Variants in LRRC4C observed in about 807,000 individuals in gnomAD.
LRRC4C encodes leucine-rich repeat-containing protein 4C.
LRRC4C carries 5 observed loss-of-function variants against 33.6 expected under a neutral mutation model. That is an observed-to-expected ratio of 0.15 (90% CI 0.08 to 0.31). LRRC4C has a LOEUF of 0.31. Among genes scored for constraint, LRRC4C ranks in the 10% least tolerant of loss-of-function variants. LRRC4C has a pLI of 1.00. For missense variants in LRRC4C, 560 were observed against 796.7 expected (o/e 0.70, Z 3.58); for synonymous variants, 329 against 302.0 (o/e 1.09, Z -0.93).
At chr11:40,414,741 C>A (rs1344320962) in intron 3 of LRRC4C, among the ~76,000 whole-genome samples, 1 of 151,962 alleles carries the variant, frequency 6.6e-6, no homozygotes, top group Non-Finnish European at 1.5e-5. Context: ...AAATGAAAAG[C>A]TTCTTTCTTT....
At chr11:41,024,289 C>G (rs1017971583) in intron 1 of LRRC4C, among the ~76,000 whole-genome samples, 2 of 151,660 alleles carry the variant, frequency 1.3e-5, no homozygotes, top group Non-Finnish European at 3.0e-5. Context: ...CAGCTCAACT[C>G]AAGAAGAATA....
chr11:40,869,447 C>T lies in LRRC4C; in HGVS notation c.-407+64188G>A, dbSNP rs147786561. 9.2e-5 allele frequency among the ~76,000 whole-genome samples: 14 copies of T among 152,156 alleles called. No individual in the cohort carries two copies. In the East Asian group the frequency reaches 2.1e-3, roughly 23 times the overall value. On this transcript the variant is annotated intron_variant, in intron 2 of 6. Transcript: ENST00000528697. ...TAAAATAATAATTGGTCACAGCCAG[C>T]GCCAGGAAAAGGCAGTCTCCCAGTA...
intron 2 of LRRC4C, among the ~76,000 whole-genome samples, chr11:40,744,603 T>A (rs1948327692): frequency 6.6e-6 from 1 of 152,292 alleles, no homozygotes; most frequent in Admixed American, 6.5e-5. Context: ...TAGTATCCTA[T>A]ACTGCTTGAC....
chr11:40,428,281 GA>G (rs1344764572), intron 3 of LRRC4C, among the ~76,000 whole-genome samples: 21 of 152,008 alleles, frequency 1.4e-4, no homozygotes, highest in Non-Finnish European at 3.1e-4. Flanking sequence ...GATTATAAAA[GA>G]ATTGCAGTAT....
intron 2 of LRRC4C, among the ~76,000 whole-genome samples, chr11:40,668,988 C>G (rs1344236123): frequency 6.6e-6 from 1 of 152,100 alleles, no homozygotes; most frequent in Non-Finnish European, 1.5e-5. Flanking sequence ...ACCTCTATAG[C>G]CCAGGTTCAA....
chr11:40,515,929 A>G (rs1184476202), intron 3 of LRRC4C, among the ~76,000 whole-genome samples: 1 of 152,052 alleles, frequency 6.6e-6, no homozygotes, highest in Non-Finnish European at 1.5e-5. Context: ...AATCCCTTTT[A>G]TTTTATGATA....
intron 1 of LRRC4C, among the ~76,000 whole-genome samples, chr11:41,404,491 T>C (rs960673397): frequency 1.4e-5 from 2 of 145,524 alleles, no homozygotes; most frequent in African/African-American, 5.1e-5. Context: ...TCTGTGTGTG[T>C]GTGTGTATAC....
intron 5 of LRRC4C, among the ~76,000 whole-genome samples, chr11:40,158,708 C>T (rs181521163): frequency 7.9e-5 from 12 of 152,112 alleles, no homozygotes; most frequent in Admixed American, 5.2e-4. Context: ...CATCAAAGTG[C>T]CCACTCTTTA....
intron 5 of LRRC4C, among the ~76,000 whole-genome samples, chr11:40,154,153 T>A (rs1411371561): frequency 6.6e-6 from 1 of 152,118 alleles, no homozygotes; most frequent in East Asian, 1.9e-4. Flanking sequence ...AAAACAATTA[T>A]CAGCCAAGAA....
At chr11:40,571,256 G>T (rs567508421) in intron 3 of LRRC4C, among the ~76,000 whole-genome samples, 4 of 152,260 alleles carry the variant, frequency 2.6e-5, no homozygotes, top group Admixed American at 2.0e-4. Flanking sequence ...TGCTGTTTGA[G>T]TACATCTGAA....
intron 3 of LRRC4C, among the ~76,000 whole-genome samples, chr11:40,417,542 A>G (rs1473955891): frequency 6.6e-6 from 1 of 151,676 alleles, no homozygotes; most frequent in Non-Finnish European, 1.5e-5. Flanking sequence ...AAGTTTCACC[A>G]TGTTGGCCAG....
chr11:41,033,416 A>C (rs1856838858), intron 1 of LRRC4C, among the ~76,000 whole-genome samples: 1 of 152,110 alleles, frequency 6.6e-6, no homozygotes, highest in Non-Finnish European at 1.5e-5. Context: ...CTTATGGATG[A>C]GTAAGGTACA....
intron 5 of LRRC4C, among the ~76,000 whole-genome samples, chr11:40,216,002 A>C (rs1011669442): frequency 6.6e-6 from 1 of 152,260 alleles, no homozygotes; most frequent in African/African-American, 2.4e-5. Flanking sequence ...AACGCTGGTA[A>C]TGAGATTAAT....
At chr11:40,222,929 G>A (rs1864522547) in intron 5 of LRRC4C, among the ~76,000 whole-genome samples, 1 of 152,148 alleles carries the variant, frequency 6.6e-6, no homozygotes, top group Non-Finnish European at 1.5e-5. Context: ...TAGAGGCAGA[G>A]GGAACACTTT....
intron 1 of LRRC4C, among the ~76,000 whole-genome samples, chr11:40,996,681 T>C (rs1460645857): frequency 6.6e-6 from 1 of 152,120 alleles, no homozygotes; most frequent in Non-Finnish European, 1.5e-5. Context: ...AGAAGCATGG[T>C]GCCAGCATCT....
chr11:41,170,026 T>C (rs1052696200), intron 1 of LRRC4C, among the ~76,000 whole-genome samples: 6 of 152,150 alleles, frequency 3.9e-5, no homozygotes, highest in African/African-American at 1.4e-4. Flanking sequence ...TGAAACAATG[T>C]GATGAAGGAT....
chr11:40,766,680 T>A (rs1949486915), intron 2 of LRRC4C, among the ~76,000 whole-genome samples: 1 of 148,242 alleles, frequency 6.7e-6, no homozygotes, highest in Admixed American at 6.8e-5. Context: ...GTTTGCCTGC[T>A]TTTACAATTA....
At chr11:40,590,586 GT>G (rs1182128809) in intron 3 of LRRC4C, among the ~76,000 whole-genome samples, 2 of 152,076 alleles carry the variant, frequency 1.3e-5, no homozygotes, top group East Asian at 1.9e-4. Flanking sequence ...TTTCTGTTCT[GT>G]TTTTTCCCCA....
chr11:40,849,311 CAGG>C (rs1953361565), intron 2 of LRRC4C, among the ~76,000 whole-genome samples: 1 of 152,218 alleles, frequency 6.6e-6, no homozygotes, highest in South Asian at 2.1e-4. Context: ...GTGCTTCCTT[CAGG>C]AGCTCTTGTA....
Sources: allele counts gnomAD v4.1 joint callset (sites outside exome capture counted in the v4.1 genomes callset), GRCh38; gene constraint gnomAD v4.1.1; transcripts MANE v1.5; gene names NCBI Gene and HGNC (gene_info 2026-07-23, HGNC 2026-07-21).